The following LINC00632 variants were observed in gnomAD, a reference collection of about 807,000 sequenced individuals.
The protein encoded by LINC00632 is ALDOA related specific transcript.
intron 2 of LINC00632, among the ~76,000 whole-genome samples, chrX:140,719,044 CAAG>C (rs1930685215): frequency 8.9e-6 from 1 of 111,993 alleles, no homozygotes; most frequent in Non-Finnish European, 1.9e-5. Flanking sequence ...AATTAACAGA[CAAG>C]AAACCAGGAC....
chrX:140,783,443 G>C (rs2148405423), exon 5 of LINC00632: 2 of 655,182 alleles, frequency 3.1e-6, no homozygotes, highest in East Asian at 3.5e-5. Context: ...ACGTCTTCCA[G>C]GAAATCCATG....
chrX:140,790,037 A>G (rs1274743229), exon 5 of LINC00632, among the ~76,000 whole-genome samples: 1 of 111,266 alleles, frequency 9.0e-6, no homozygotes, highest in East Asian at 2.8e-4. Context: ...TCTCCTATAT[A>G]TTCTTCTAAT....
intron 2 of LINC00632, among the ~76,000 whole-genome samples, chrX:140,727,009 A>G (rs1479436185): frequency 1.8e-5 from 2 of 110,750 alleles, no homozygotes; most frequent in Admixed American, 9.7e-5. Flanking sequence ...TTCATTCTAC[A>G]ATGCACGGAC....
At chrX:140,730,490 C>G (rs924509130) in intron 2 of LINC00632, among the ~76,000 whole-genome samples, 2 of 110,851 alleles carry the variant, frequency 1.8e-5, no homozygotes, top group Non-Finnish European at 3.8e-5. Context: ...CCTTGCACCA[C>G]TACACAGAGA....
intron 3 of LINC00632, among the ~76,000 whole-genome samples, chrX:140,745,314 G>C (rs757967342): frequency 9.1e-6 from 1 of 110,191 alleles, no homozygotes; most frequent in East Asian, 2.9e-4. Flanking sequence ...GATCTCTTGG[G>C]CAAGTCACCT....
At chrX:140,713,841 C>T in intron 2 of LINC00632, 1 of 309,657 alleles carries the variant, frequency 3.2e-6, no homozygotes, top group Non-Finnish European at 6.3e-6. Flanking sequence ...CTTGCCCCCC[C>T]ATAAGGACTC....
At chrX:140,783,788 C>A (rs754000709) in exon 5 of LINC00632, 70 of 1,208,102 alleles carry the variant, frequency 5.8e-5, no homozygotes, top group East Asian at 8.9e-5. Flanking sequence ...TGAAGATCCA[C>A]GTCTTCCAGA....
At chrX:140,749,293 T>A (rs1370557339) in intron 3 of LINC00632, among the ~76,000 whole-genome samples, 4 of 112,073 alleles carry the variant, frequency 3.6e-5, no homozygotes, top group Non-Finnish European at 7.5e-5. Flanking sequence ...ATATCTATAG[T>A]TTAAAGAATA....
chrX:140,765,018 C>T (rs778861106), intron 3 of LINC00632, among the ~76,000 whole-genome samples: 8 of 111,953 alleles, frequency 7.1e-5, no homozygotes, highest in African/African-American at 3.2e-5. Flanking sequence ...CAAGATAAAA[C>T]TGTTCATGCA....
intron 3 of LINC00632, among the ~76,000 whole-genome samples, chrX:140,748,707 G>T (rs747034925): frequency 9.2e-6 from 1 of 109,020 alleles, no homozygotes; most frequent in Non-Finnish European, 1.9e-5. Flanking sequence ...AACAATATTT[G>T]CTGTGGCTTC....
chrX:140,732,588 T>C (rs746246941), intron 2 of LINC00632, among the ~76,000 whole-genome samples: 1 of 111,736 alleles, frequency 8.9e-6, no homozygotes, highest in South Asian at 3.8e-4. Context: ...ATTGAATATA[T>C]GTATATACAC....
At chrX:140,790,396 C>G (rs1204258139) in exon 5 of LINC00632, among the ~76,000 whole-genome samples, 1 of 109,244 alleles carries the variant, frequency 9.2e-6, no homozygotes, top group Non-Finnish European at 1.9e-5. Context: ...TTTTTTGTTT[C>G]TTTTCTGTTC....
In LINC00632 at chrX:140,736,883, TTTTTTC is replaced by T. The variant is rs199745339; in HGVS notation, n.191+2930_191+2935del. Among the ~76,000 whole-genome samples, 715 of 109,617 alleles carry T rather than the reference TTTTTTC, an allele frequency of 6.5e-3. 7 individuals carry two copies. Among genetic ancestry groups the T allele is most frequent in the African/African-American group, 0.021 (645 of 30,046 alleles). Reference sequence around the variant, plus strand: ...TGAAATGAAGATTGATGCTTTTTTCTTTTTTCTTTTTCTTTTCTTTTTTTTTTTTTT... The same window carrying T: ...TGAAATGAAGATTGATGCTTTTTTCTTTTTTCTTTTCTTTTTTTTTTTTTT... On this transcript the variant is annotated intron_variant and non_coding_transcript_variant, in intron 3 of 4. Transcript: ENST00000648200.
chrX:140,788,334 AAG>A (rs1304248019), exon 5 of LINC00632, among the ~76,000 whole-genome samples: 1 of 110,518 alleles, frequency 9.0e-6, no homozygotes, highest in Non-Finnish European at 1.9e-5. Context: ...ATTAAATAAA[AAG>A]GCAAGTTAAT....
chrX:140,717,710 TC>T (rs1422746392), intron 2 of LINC00632, among the ~76,000 whole-genome samples: 2 of 111,733 alleles, frequency 1.8e-5, no homozygotes, highest in Admixed American at 9.6e-5. Context: ...CTGTCTGAGT[TC>T]CAATCCCACA....
chrX:140,745,666 C>G (rs1931316126), intron 3 of LINC00632, among the ~76,000 whole-genome samples: 1 of 111,976 alleles, frequency 8.9e-6, no homozygotes, highest in African/African-American at 3.2e-5. Context: ...ACCAGTGCTT[C>G]CAACCAAAAG....
At chrX:140,778,219 C>G (rs945787225) in exon 5 of LINC00632, among the ~76,000 whole-genome samples, 1 of 112,549 alleles carries the variant, frequency 8.9e-6, no homozygotes, top group Admixed American at 9.4e-5. Flanking sequence ...TTTCATAGGT[C>G]ATTTGCTTCT....
rs746190042 is a variant in LINC00632 at position 140,742,057 on chromosome X, G to T, written n.191+8093G>T. 7.2e-5 allele frequency among the ~76,000 whole-genome samples: 8 copies of T among 111,874 alleles called. No homozygotes were observed. The South Asian group carries it at 3.0e-3, about 42-fold the overall frequency. ...GTCTCTCAGCTCTCATCAGTCCCAG[G>T]TAATCAACTTAATTTAACCTCACTG... is the stretch of plus-strand genomic sequence containing the variant. On this transcript the variant is annotated intron_variant and non_coding_transcript_variant, in intron 3 of 4. Coordinates refer to ENST00000648200, the Ensembl canonical transcript of LINC00632.
chrX:140,787,425 G>C (rs1206812964), exon 5 of LINC00632, among the ~76,000 whole-genome samples: 1 of 111,603 alleles, frequency 9.0e-6, no homozygotes, highest in Non-Finnish European at 1.9e-5. Flanking sequence ...TGAGCATTAA[G>C]TTCCTTCCAA....
Sources: gnomAD v4.1 joint callset for allele counts (sites outside exome capture counted in the v4.1 genomes callset) on GRCh38, gnomAD v4.1.1 for gene constraint, MANE v1.5 for transcripts, NCBI Gene and HGNC (gene_info 2026-07-23, HGNC 2026-07-21) for gene names.